LTBP1: variants seen among roughly 807,000 people sequenced by gnomAD.
LTBP1 encodes the protein latent transforming growth factor beta binding protein 1, also known as latent-transforming growth factor beta-binding protein 1.
A neutral mutation model predicts 207.6 loss-of-function variants in LTBP1; 129 were observed. The ratio of observed to expected loss-of-function variants is 0.62; its 90% CI spans 0.54 to 0.72. LTBP1 has a LOEUF of 0.72. Among genes scored for constraint, LTBP1 ranks in the 30% least tolerant of loss-of-function variants. LTBP1 has a pLI of 0.00. For missense variants in LTBP1, 2,281 were observed against 2,217.2 expected (o/e 1.03, Z -0.58); for synonymous variants, 963 against 833.7 (o/e 1.16, Z -2.67).
chr2:33,219,326 G>A (rs977635648), intron 8 of LTBP1, among the ~76,000 whole-genome samples: 2 of 152,166 alleles, frequency 1.3e-5, no homozygotes, highest in African/African-American at 2.4e-5. Context: ...GGTTGAGTGT[G>A]ATGGTTCATC....
chr2:32,948,119 G>T (rs578249786), intron 1 of LTBP1, among the ~76,000 whole-genome samples: 4 of 152,370 alleles, frequency 2.6e-5, no homozygotes, highest in African/African-American at 9.6e-5. Context: ...GCTTCTAGAA[G>T]ATGGGCGTAA....
intron 7 of LTBP1, among the ~76,000 whole-genome samples, chr2:33,192,842 A>G (rs1449920057): frequency 2.0e-5 from 3 of 152,144 alleles, no homozygotes; most frequent in Non-Finnish European, 4.4e-5. Context: ...ACCCCATAGC[A>G]GAAGGACAGG....
At chr2:33,353,541 G>A (rs1023508940) in intron 26 of LTBP1, among the ~76,000 whole-genome samples, 1 of 152,120 alleles carries the variant, frequency 6.6e-6, no homozygotes. Context: ...CTCCACATTA[G>A]AAGCACATGT....
rs1009498572 is a variant in LTBP1 at position 33,386,826 on chromosome 2, CTT to C, written c.4712-2337_4712-2336del. Among the ~76,000 whole-genome samples, 59 of 119,332 alleles carry C rather than the reference CTT, an allele frequency of 4.9e-4. No individual in the cohort carries two copies. In the South Asian group the frequency reaches 0.012, roughly 23 times the overall value. 78.3% of individuals were successfully genotyped at this position (119,332 alleles called of 152,430 possible). ...CCAGCATGGGTGGCAGAGCAAGACC[CTT>C]TTTTTTTTTTTTTTTTTTTTGAGAC... On this transcript the variant is annotated intron_variant, in intron 31 of 33. Transcript: ENST00000404816.
intron 4 of LTBP1, among the ~76,000 whole-genome samples, chr2:33,126,459 A>G (rs1286256685): frequency 6.6e-6 from 1 of 152,188 alleles, no homozygotes; most frequent in African/African-American, 2.4e-5. Flanking sequence ...GTATCAGGGA[A>G]TTTGTGGACA....
intron 3 of LTBP1, among the ~76,000 whole-genome samples, chr2:33,079,686 C>T (rs2078286629): frequency 6.6e-6 from 1 of 152,272 alleles, no homozygotes; most frequent in East Asian, 1.9e-4. Context: ...TCTCCCAGTT[C>T]TGGTCCTGCA....
chr2:33,089,505 C>T (rs1189518971), intron 3 of LTBP1, among the ~76,000 whole-genome samples: 1 of 152,176 alleles, frequency 6.6e-6, no homozygotes, highest in African/African-American at 2.4e-5. Flanking sequence ...GCTGCCAATG[C>T]ATCCTGCAGT....
chr2:33,104,290 C>A (rs1333064574), intron 3 of LTBP1, among the ~76,000 whole-genome samples: 1 of 152,160 alleles, frequency 6.6e-6, no homozygotes, highest in South Asian at 2.1e-4. Context: ...TCCTCAGATT[C>A]AAGTCTTTAG....
intron 24 of LTBP1, among the ~76,000 whole-genome samples, chr2:33,327,860 C>T (rs549739641): frequency 9.2e-5 from 14 of 151,842 alleles, no homozygotes; most frequent in African/African-American, 2.4e-4. Context: ...TGTAGAGGGC[C>T]GGGTGCAGTG....
intron 3 of LTBP1, among the ~76,000 whole-genome samples, chr2:33,076,517 T>C (rs944520713): frequency 6.6e-6 from 1 of 152,012 alleles, no homozygotes; most frequent in African/African-American, 2.4e-5. Flanking sequence ...GGGGGTATCA[T>C]GAATTATGTC....
chr2:33,124,667 A>G (rs192628442), intron 4 of LTBP1, among the ~76,000 whole-genome samples: 238 of 152,360 alleles, frequency 1.6e-3, no homozygotes, highest in African/African-American at 3.8e-3. Flanking sequence ...GCTGTGTAGT[A>G]TATCATGGTT....
At chr2:33,026,324 G>GACACA (rs575995765) in intron 3 of LTBP1, among the ~76,000 whole-genome samples, 175 of 152,184 alleles carry the variant, frequency 1.1e-3, no homozygotes, top group African/African-American at 4.1e-3. Flanking sequence ...ACATTGTCAT[G>GACACA]ACACAACACA....
chr2:33,233,535 G>A, intron 9 of LTBP1, among the ~76,000 whole-genome samples: 1 of 152,020 alleles, frequency 6.6e-6, no homozygotes, highest in East Asian at 1.9e-4. Context: ...TAGTTTCTTA[G>A]CAAACAAGCA....
chr2:33,178,333 G>A (rs17012646), intron 5 of LTBP1, among the ~76,000 whole-genome samples: 11,980 of 152,130 alleles, frequency 0.079, 1,021 homozygotes, highest in African/African-American at 0.21. Context: ...GTTATGCAAG[G>A]TATAAAACTA....
chr2:32,986,347 T>C (rs963849046), intron 2 of LTBP1, among the ~76,000 whole-genome samples: 1 of 152,122 alleles, frequency 6.6e-6, no homozygotes, highest in Non-Finnish European at 1.5e-5. Context: ...GTGGTGGACT[T>C]AGAGGCAGTG....
At chr2:33,320,844 T>C (rs1466668533) in intron 24 of LTBP1, among the ~76,000 whole-genome samples, 2 of 152,194 alleles carry the variant, frequency 1.3e-5, no homozygotes, top group Admixed American at 6.5e-5. Context: ...TGGTAGATGC[T>C]GGGGGCTGGT....
chr2:33,214,885 A>AC (rs2149330549), intron 7 of LTBP1, among the ~76,000 whole-genome samples: 1 of 151,872 alleles, frequency 6.6e-6, no homozygotes, highest in African/African-American at 2.4e-5. Context: ...AAAAAAAAAA[A>AC]GCAATTGTTT....
chr2:33,059,211 TG>T (rs1205299772), intron 3 of LTBP1, among the ~76,000 whole-genome samples: 1 of 152,236 alleles, frequency 6.6e-6, no homozygotes, highest in Admixed American at 6.5e-5. Flanking sequence ...AAGTATAAAA[TG>T]TGACCATATA....
At chr2:33,298,960 A>G (rs1212415019) in intron 20 of LTBP1, among the ~76,000 whole-genome samples, 1 of 152,172 alleles carries the variant, frequency 6.6e-6, no homozygotes, top group Non-Finnish European at 1.5e-5. Context: ...TTAAAAGTTA[A>G]TGCCCCATTA....
Sources: allele counts gnomAD v4.1 joint callset (sites outside exome capture counted in the v4.1 genomes callset), GRCh38; gene constraint gnomAD v4.1.1; transcripts MANE v1.5; gene names NCBI Gene and HGNC (gene_info 2026-07-23, HGNC 2026-07-21).